The following YARS1 variants were observed in gnomAD, a reference collection of about 807,000 sequenced individuals.
The protein encoded by YARS1 is tyrosine--tRNA ligase, cytoplasmic.
A neutral mutation model predicts 62.2 loss-of-function variants in YARS1; 36 were observed. The ratio of observed to expected loss-of-function variants is 0.58; its 90% CI spans 0.44 to 0.76. The LOEUF (loss-of-function observed/expected upper bound fraction) is 0.76. Among genes scored for constraint, YARS1 ranks in the 30% least tolerant of loss-of-function variants. The pLI, the probability that YARS1 is intolerant of heterozygous loss-of-function variation, is 0.00. For missense variants in YARS1, 524 were observed against 639.8 expected, an observed-to-expected ratio of 0.82 and a Z score of 1.95; for synonymous variants, 234 against 244.9, an observed-to-expected ratio of 0.96 and a Z score of 0.42.
At chr1:32,815,794 G>A (rs1232933435) in intron 1 of YARS1, among the ~76,000 whole-genome samples, 1 of 152,224 alleles carries the variant, frequency 6.6e-6, no homozygotes, top group East Asian at 1.9e-4. Context: ...GTCTGCTAAC[G>A]GGTGCAAGTT....
At chr1:32,798,697 C>G (rs1437407929) in intron 4 of YARS1, among the ~76,000 whole-genome samples, 1 of 152,170 alleles carries the variant, frequency 6.6e-6, no homozygotes, top group African/African-American at 2.4e-5. Context: ...TGGTGCGCAT[C>G]TATAGTCCCA....
rs572806294 is a variant in YARS1, at chr1:32,802,183, G to A, written c.510+4299C>T. ...CGGATGGTCTCGATCTCCTGACCTC[G>A]TGATCCGTCCGCCTCGGCCTCCCAA... On this transcript the variant is annotated intron_variant, in intron 4 of 12. Transcript: ENST00000373477. Among the ~76,000 whole-genome samples the A allele has an allele frequency of 3.9e-5, 6 of 152,112 alleles. No homozygotes were observed. The South Asian group carries it at 8.3e-4, about 21-fold the overall frequency.
rs1215244021 is a variant in YARS1, at chr1:32,776,975, A to AC, written c.1477-885_1477-884insG. On this transcript the variant is annotated intron_variant, in intron 12 of 12. Coordinates refer to ENST00000373477, the MANE Select transcript of YARS1 (RefSeq NM_003680.4). The surrounding 1 kb of genome is among the most constrained non-coding windows in gnomAD (Gnocchi z 4.0). The stretch of plus-strand genomic sequence containing the variant: ...GAGTGAGACTCCGTCTCCAAAAAAA[A>AC]AGAGCTTAGTTAGATTTTGATAATT... Among the ~76,000 whole-genome samples, 1 of 152,054 alleles carries AC rather than the reference A, an allele frequency of 6.6e-6. No individual in the cohort carries two copies. Among genetic ancestry groups the AC allele is most frequent in the Non-Finnish European group, 1.5e-5 (1 of 68,002 alleles).
At chr1:32,795,137 G>C (rs907152633) in intron 5 of YARS1, among the ~76,000 whole-genome samples, 1 of 151,658 alleles carries the variant, frequency 6.6e-6, no homozygotes, top group Admixed American at 6.6e-5. Context: ...GGCTAACACG[G>C]TGAAACCCCG....
intron 6 of YARS1, among the ~76,000 whole-genome samples, chr1:32,789,364 A>C (rs527495578): frequency 6.6e-6 from 1 of 152,176 alleles, no homozygotes; most frequent in Non-Finnish European, 1.5e-5. Flanking sequence ...ATGTGTGAGG[A>C]TACTTGTTCA....
chr1:32,793,822 A>C (rs1653488532), intron 5 of YARS1, among the ~76,000 whole-genome samples: 3 of 152,224 alleles, frequency 2.0e-5, no homozygotes, highest in Admixed American at 2.0e-4. Context: ...TGCCAAAAGA[A>C]AAATAATTGC....
Position 32,817,039 on chromosome 1 carries a change from G to A in YARS1, c.57+149C>T, listed in dbSNP as rs1251679758. The A allele has an allele frequency of 1.3e-5, 13 of 996,422 alleles. No homozygotes were observed. In the Admixed American group the frequency reaches 1.7e-4, roughly 13 times the overall value. The allele number at this position is 996,422 out of a possible 1,614,324, so 61.7% of individuals were successfully genotyped here. A position where few individuals can be genotyped will look rare whatever the true frequency, so the allele number is the denominator to read the frequency against. The stretch of plus-strand genomic sequence containing the variant: ...GGAAGGGCTGCTTGATTGACTGACC[G>A]ACCAGCAGTGAGATCTACAGGCTCT... On this transcript the variant is annotated intron_variant, in intron 1 of 12. Transcript: ENST00000373477.
At chr1:32,803,962 C>G (rs549068503) in intron 4 of YARS1, among the ~76,000 whole-genome samples, 4 of 152,176 alleles carry the variant, frequency 2.6e-5, no homozygotes, top group Non-Finnish European at 1.5e-5. Context: ...ATGCTGCCTT[C>G]AAGCATCTGT....
At chr1:32,789,902 A>G (rs1223986333) in intron 6 of YARS1, among the ~76,000 whole-genome samples, 1 of 121,500 alleles carries the variant, frequency 8.2e-6, no homozygotes, top group African/African-American at 3.2e-5. Context: ...TTTTTTTTTG[A>G]GAGGGAGTCT....
chr1:32,803,754 G>C (rs888731816), intron 4 of YARS1, among the ~76,000 whole-genome samples: 1 of 151,228 alleles, frequency 6.6e-6, no homozygotes, highest in Non-Finnish European at 1.5e-5. Context: ...TTTTTTAATA[G>C]TATTTATTGA....
In YARS1 at chr1:32,787,161, TCTC is replaced by T. The variant is rs547814590; in HGVS notation, c.685-89_685-87del. The T allele has an allele frequency of 3.0e-3, 4,532 of 1,526,056 alleles. 10 individuals carry two copies. The highest frequency in any genetic ancestry group is 3.6e-3 in the Non-Finnish European group (4,020 of 1,125,672). The allele number at this position is 1,526,056 out of a possible 1,614,324, so 94.5% of individuals were successfully genotyped here. On this transcript the variant is annotated intron_variant, in intron 6 of 12. Transcript: ENST00000373477. ...ATATAAGTTAAATTTTGTTTTTTCTTCTCTGTCACCCAGGCTGGAGTGCAGTGG... is the reference window on the plus strand; with the variant it reads ...ATATAAGTTAAATTTTGTTTTTTCTTTGTCACCCAGGCTGGAGTGCAGTGG...
intron 3 of YARS1, among the ~76,000 whole-genome samples, chr1:32,806,889 G>T (rs1638477817): frequency 6.6e-6 from 1 of 152,142 alleles, no homozygotes; most frequent in Admixed American, 6.5e-5. Context: ...TGACAAAATT[G>T]TCTGTACACC....
At chr1:32,796,376 T>TG (rs1214486714) in intron 5 of YARS1, among the ~76,000 whole-genome samples, 3 of 151,822 alleles carry the variant, frequency 2.0e-5, no homozygotes, top group Admixed American at 2.0e-4. Context: ...TTTTTGTTTT[T>TG]TTTTTCAGAG....
chr1:32,811,051 G>A lies in YARS1; in HGVS notation c.64C>T (p.Leu22=), dbSNP rs1557467097. The A allele has an allele frequency of 1.6e-5, 26 of 1,613,950 alleles. No homozygotes were observed. Among genetic ancestry groups the A allele is most frequent in the East Asian group, 4.5e-5 (2 of 44,888 alleles). ...ATCTCCTTCAGCTTCTCTTCCCCCA[G>A]AACCTCCTATTGTGGAAGCAGAAGA... is the stretch of plus-strand genomic sequence containing the variant. ...HLITRNLQEV[L]GEEKLKEILK... The change falls in exon 2 of 13, where the codon CTG becomes TTG. Residue 22 remains leucine, a synonymous_variant. Transcript: ENST00000373477.
chr1:32,802,751 T>C (rs1638330907), intron 4 of YARS1, among the ~76,000 whole-genome samples: 1 of 152,190 alleles, frequency 6.6e-6, no homozygotes, highest in African/African-American at 2.4e-5. Flanking sequence ...AATCATACTG[T>C]TAACAGACGT....
chr1:32,803,079 T>TTC (rs766504069), intron 4 of YARS1, among the ~76,000 whole-genome samples: 1 of 149,118 alleles, frequency 6.7e-6, no homozygotes, highest in Non-Finnish European at 1.5e-5. Flanking sequence ...ACCTCCCGGG[T>TTC]TCAAGCGACT....
chr1:32,791,234 A>C lies in YARS1; in HGVS notation c.612T>G (p.Tyr204Ter). The C allele has an allele frequency of 6.2e-7, 1 of 1,614,136 alleles. No individual in the cohort carries two copies. The highest frequency in any genetic ancestry group is 1.6e-4 in the Middle Eastern group (1 of 6,062). Residue 204 changes from tyrosine (Y) to a stop codon, truncating the protein, a stop_gained, in exon 6 of 13, where the codon TAT (tyrosine) becomes TAG (stop). Transcript: ENST00000373477. LOFTEE classifies it high-confidence loss of function. The stretch of plus-strand genomic sequence containing the variant: ...GATTCATCAGATGGACCCGTTTTGA[A>C]TAGCCAAGTGCAGGGAGGTACTGAG... Reference protein sequence around the residue: ...FAEKYLPALGYSKRVHLMNPM... With the variant: ...FAEKYLPALG
At chr1:32,786,600 G>A in intron 7 of YARS1, 153 bp from the exon 8 acceptor site, 1 of 825,558 alleles carries the variant, frequency 1.2e-6, no homozygotes. Flanking sequence ...TGGATGAGTG[G>A]CACTATTGTA....
At chr1:32,803,860 T>C (rs1296403905) in intron 4 of YARS1, among the ~76,000 whole-genome samples, 1 of 152,124 alleles carries the variant, frequency 6.6e-6, no homozygotes, top group Non-Finnish European at 1.5e-5. Flanking sequence ...CAAGGGTCTC[T>C]GGTTTTCCTA....
Sources: gnomAD v4.1 joint callset for allele counts (sites outside exome capture counted in the v4.1 genomes callset) on GRCh38, gnomAD v4.1.1 for gene constraint, Gnocchi (gnomAD v3.1) non-coding constraint, MANE v1.5 for transcripts, NCBI Gene and HGNC (gene_info 2026-07-23, HGNC 2026-07-21) for gene names.